CCSER1: variants seen among roughly 807,000 people sequenced by gnomAD.
CCSER1 encodes serine-rich coiled-coil domain-containing protein 1.
Under a neutral mutation model 82.0 loss-of-function variants are expected in CCSER1, and 41 were observed. That is an observed-to-expected ratio of 0.50 (90% confidence interval 0.39 to 0.65). CCSER1 has a LOEUF of 0.65. CCSER1 is among the 30% of genes least tolerant of loss of function. The pLI is 0.00. For synonymous variants in CCSER1, 414 were observed against 383.9 expected (o/e 1.08, Z -0.92); for missense variants, 1,119 against 1,064.2 (o/e 1.05, Z -0.72).
intron 5 of CCSER1, among the ~76,000 whole-genome samples, chr4:90,598,028 C>G (rs944415370): frequency 6.6e-6 from 1 of 151,614 alleles, no homozygotes; most frequent in African/African-American, 2.4e-5. Flanking sequence ...CATTTTCTTT[C>G]TCCATTTGTC....
At chr4:90,377,069 G>A (rs1402117502) in intron 3 of CCSER1, among the ~76,000 whole-genome samples, 1 of 152,078 alleles carries the variant, frequency 6.6e-6, no homozygotes, top group Admixed American at 6.6e-5. Flanking sequence ...TCAGGGAACA[G>A]GCACCTAAAA....
At chr4:91,243,018 G>A (rs543238935) in intron 10 of CCSER1, among the ~76,000 whole-genome samples, 15 of 152,322 alleles carry the variant, frequency 9.8e-5, no homozygotes, top group African/African-American at 3.6e-4. Flanking sequence ...GAGGGTCAGA[G>A]ACAGTCTTGA....
At chr4:90,364,571 T>C (rs544438346) in intron 3 of CCSER1, among the ~76,000 whole-genome samples, 1 of 152,216 alleles carries the variant, frequency 6.6e-6, no homozygotes, top group East Asian at 1.9e-4. Context: ...ATAGAGTTTA[T>C]ATAATAAAAA....
At chr4:91,119,231 A>G (rs1265880383) in intron 10 of CCSER1, among the ~76,000 whole-genome samples, 3 of 152,180 alleles carry the variant, frequency 2.0e-5, no homozygotes, top group Non-Finnish European at 2.9e-5. Context: ...AAGATTAGTC[A>G]CTTAGAATAG....
At chr4:90,604,604 A>G (rs73833725) in intron 5 of CCSER1, among the ~76,000 whole-genome samples, 3,914 of 152,290 alleles carry the variant, frequency 0.026, 106 homozygotes, top group African/African-American at 0.059. Flanking sequence ...CGCTTCCGGG[A>G]TCCACTAGGC....
At chr4:91,480,363 T>G (rs934034862) in intron 10 of CCSER1, among the ~76,000 whole-genome samples, 1 of 152,144 alleles carries the variant, frequency 6.6e-6, no homozygotes, top group Non-Finnish European at 1.5e-5. Flanking sequence ...CCACCAACAG[T>G]GTAAAAGTGT....
chr4:91,547,908 C>T (rs913237724), intron 10 of CCSER1, among the ~76,000 whole-genome samples: 41 of 151,964 alleles, frequency 2.7e-4, no homozygotes, highest in South Asian at 2.1e-4. Flanking sequence ...CAGTCTCCCA[C>T]GTAGCTGGGA....
At chr4:90,556,120 A>G (rs1442986542) in intron 5 of CCSER1, among the ~76,000 whole-genome samples, 2 of 152,168 alleles carry the variant, frequency 1.3e-5, no homozygotes, top group Non-Finnish European at 2.9e-5. Context: ...TGAGCTACTC[A>G]TCTGGAAAAT....
intron 1 of CCSER1, among the ~76,000 whole-genome samples, chr4:90,304,803 A>C: frequency 6.6e-6 from 1 of 152,252 alleles, no homozygotes; most frequent in Middle Eastern, 3.4e-3. Flanking sequence ...TATAATAATA[A>C]TAAAAAATAA....
intron 5 of CCSER1, among the ~76,000 whole-genome samples, chr4:90,529,791 C>A (rs534629914): frequency 5.5e-4 from 83 of 152,056 alleles, no homozygotes; most frequent in African/African-American, 1.7e-3. Flanking sequence ...TGCTCTGATG[C>A]TAGGCAAAAT....
At chr4:90,673,297 T>C (rs1733160257) in intron 6 of CCSER1, among the ~76,000 whole-genome samples, 1 of 151,956 alleles carries the variant, frequency 6.6e-6, no homozygotes, top group South Asian at 2.1e-4. Flanking sequence ...TATCTTAAGG[T>C]ATGCTATTTG....
chr4:90,376,454 C>A (rs1197779316), intron 3 of CCSER1, among the ~76,000 whole-genome samples: 3 of 152,138 alleles, frequency 2.0e-5, no homozygotes, highest in African/African-American at 7.2e-5. Flanking sequence ...TGTGTGATTT[C>A]TAATACATCT....
At chr4:90,664,895 T>G (rs549532369) in intron 6 of CCSER1, among the ~76,000 whole-genome samples, 3 of 152,322 alleles carry the variant, frequency 2.0e-5, no homozygotes, top group Admixed American at 2.0e-4. Context: ...AATGAAACTC[T>G]GTCTCAAATA....
intron 10 of CCSER1, among the ~76,000 whole-genome samples, chr4:91,510,260 G>T (rs1382165072): frequency 6.6e-6 from 1 of 152,114 alleles, no homozygotes; most frequent in African/African-American, 2.4e-5. Flanking sequence ...ACTGCCGATG[G>T]GCCCTTAGCT....
intron 10 of CCSER1, among the ~76,000 whole-genome samples, chr4:91,103,682 G>A (rs992380801): frequency 6.6e-6 from 1 of 152,060 alleles, no homozygotes; most frequent in East Asian, 1.9e-4. Flanking sequence ...ATCTTCGTAA[G>A]CTGAGGATGT....
intron 10 of CCSER1, among the ~76,000 whole-genome samples, chr4:91,171,143 A>G (rs1473631798): frequency 6.6e-6 from 1 of 152,246 alleles, no homozygotes; most frequent in Non-Finnish European, 1.5e-5. Flanking sequence ...TAACATTATC[A>G]CATTCAAAAC....
chr4:91,426,844 A>G (rs781659983), intron 10 of CCSER1, among the ~76,000 whole-genome samples: 2 of 152,328 alleles, frequency 1.3e-5, no homozygotes, highest in Non-Finnish European at 2.9e-5. Flanking sequence ...TGCTTACTAT[A>G]TGCTGGGTAC....
chr4:90,307,665 G>A (rs1734555751), intron 1 of CCSER1, among the ~76,000 whole-genome samples: 1 of 151,666 alleles, frequency 6.6e-6, no homozygotes, highest in East Asian at 1.9e-4. Context: ...AAAAAAAAGA[G>A]AAGAAAAAAA....
At chr4:90,401,074 A>G (rs1752799569) in intron 4 of CCSER1, among the ~76,000 whole-genome samples, 1 of 152,154 alleles carries the variant, frequency 6.6e-6, no homozygotes, top group African/African-American at 2.4e-5. Flanking sequence ...ATAATAGATA[A>G]TATCATATTA....
Sources: gnomAD v4.1 joint callset for allele counts (sites outside exome capture counted in the v4.1 genomes callset) on GRCh38, gnomAD v4.1.1 for gene constraint, MANE v1.5 for transcripts, NCBI Gene and HGNC (gene_info 2026-07-23, HGNC 2026-07-21) for gene names.